The following ARHGAP26 variants were observed in gnomAD, a reference collection of about 807,000 sequenced individuals.
ARHGAP26 encodes rho GTPase-activating protein 26.
In ARHGAP26, 38 loss-of-function variants were observed where a neutral mutation model predicts 104.8. The observed-to-expected ratio is 0.36, with a 90% CI of 0.28 to 0.48. The LOEUF (loss-of-function observed/expected upper bound fraction) is 0.48. ARHGAP26 is among the 20% of genes least tolerant of loss of function. The pLI is 0.99. For synonymous variants in ARHGAP26, 341 were observed against 340.0 expected, an observed-to-expected ratio of 1.00 and a Z score of -0.03; for missense variants, 704 against 947.9, an observed-to-expected ratio of 0.74 and a Z score of 3.38.
intron 17 of ARHGAP26, chr5:143,103,188 G>C: frequency 1.0e-6 from 1 of 977,026 alleles, no homozygotes; most frequent in African/African-American, 1.8e-5. Flanking sequence ...CTTTGCTGCA[G>C]ACTAATTGTG....
At chr5:142,923,697 C>G (rs1763498940) in intron 10 of ARHGAP26, among the ~76,000 whole-genome samples, 1 of 152,138 alleles carries the variant, frequency 6.6e-6, no homozygotes, top group East Asian at 1.9e-4. Flanking sequence ...ACTTCAGTCT[C>G]TCATAAAAAT....
At chr5:143,025,547 T>A (rs1367306840) in intron 12 of ARHGAP26, among the ~76,000 whole-genome samples, 1 of 152,240 alleles carries the variant, frequency 6.6e-6, no homozygotes, top group Non-Finnish European at 1.5e-5. Flanking sequence ...TTGAGGCCAC[T>A]GTGTAATTCA....
At chr5:143,027,766 G>C (rs537871920) in intron 12 of ARHGAP26, among the ~76,000 whole-genome samples, 56 of 152,226 alleles carry the variant, frequency 3.7e-4, no homozygotes, top group Non-Finnish European at 7.3e-4. Flanking sequence ...ATGTGGTATA[G>C]ATACTGGCAA....
intron 11 of ARHGAP26, among the ~76,000 whole-genome samples, chr5:142,966,598 G>T (rs78071775): frequency 0.038 from 5,849 of 152,244 alleles, 122 homozygotes; most frequent in South Asian, 0.057. Context: ...GAAAGACTTT[G>T]TTGTTTATTT....
Position 143,162,313 on chromosome 5 carries a change from G to A in ARHGAP26, c.1988+14932G>A, listed in dbSNP as rs550320335. ...CACACACACACACACACACACACAC[G>A]CAATCCCCTTTCCCATTTTTCCCTT... is the stretch of plus-strand genomic sequence containing the variant. On this transcript the variant is annotated intron_variant, in intron 20 of 22. Transcript: ENST00000645722. Among the ~76,000 whole-genome samples, 61 of 90,904 alleles carry A rather than the reference G, an allele frequency of 6.7e-4. No homozygotes were observed. The South Asian group carries it at 0.014, about 21-fold the overall frequency. 59.6% of individuals were successfully genotyped at this position (90,904 alleles called of 152,430 possible). A position where few individuals can be genotyped will look rare whatever the true frequency, so the allele number is the denominator to read the frequency against.
intron 17 of ARHGAP26, among the ~76,000 whole-genome samples, chr5:143,074,282 G>A (rs577132047): frequency 6.6e-6 from 1 of 151,988 alleles, no homozygotes; most frequent in African/African-American, 2.4e-5. Flanking sequence ...CATTGTTTTT[G>A]TCCTACTTAC....
chr5:143,202,047 A>G (rs950894871), intron 20 of ARHGAP26, among the ~76,000 whole-genome samples: 3 of 152,172 alleles, frequency 2.0e-5, no homozygotes, highest in African/African-American at 7.2e-5. Flanking sequence ...GTGTGGTAGT[A>G]TAAGTCTCTT....
At chr5:143,035,096 G>A (rs1782418413) in intron 12 of ARHGAP26, among the ~76,000 whole-genome samples, 1 of 152,190 alleles carries the variant, frequency 6.6e-6, no homozygotes, top group Non-Finnish European at 1.5e-5. Context: ...CCTAGAGGCT[G>A]AGTGTGTTTG....
chr5:142,874,133 T>C (rs754575918), intron 2 of ARHGAP26, among the ~76,000 whole-genome samples: 4 of 152,132 alleles, frequency 2.6e-5, no homozygotes, highest in Admixed American at 6.5e-5. Flanking sequence ...CACTCCTGTT[T>C]CCTTAAAAAG....
At chr5:143,129,588 C>T (rs1335283796) in intron 18 of ARHGAP26, among the ~76,000 whole-genome samples, 1 of 152,216 alleles carries the variant, frequency 6.6e-6, no homozygotes, top group African/African-American at 2.4e-5. Context: ...TCCAGCTGCA[C>T]TCCTTATCTA....
At chr5:142,985,663 C>A (rs574209064) in intron 11 of ARHGAP26, among the ~76,000 whole-genome samples, 3 of 141,410 alleles carry the variant, frequency 2.1e-5, no homozygotes, top group South Asian at 2.5e-4. Flanking sequence ...CCCTCCCCCC[C>A]ACCCTACAAC....
intron 1 of ARHGAP26, among the ~76,000 whole-genome samples, chr5:142,828,005 T>C (rs1767631831): frequency 6.6e-6 from 1 of 152,228 alleles, no homozygotes; most frequent in African/African-American, 2.4e-5. Flanking sequence ...CTTCCAAGTA[T>C]TGAAGTAGGA....
intron 19 of ARHGAP26, among the ~76,000 whole-genome samples, chr5:143,136,317 T>C (rs575313885): frequency 6.6e-6 from 1 of 152,336 alleles, no homozygotes; most frequent in Admixed American, 6.5e-5. Flanking sequence ...CAAGCTGCTC[T>C]GTCCATGTCT....
rs188322806 is a variant in ARHGAP26 at position 143,116,186 on chromosome 5, T to C, written c.1539-4802T>C. 5.9e-5 allele frequency among the ~76,000 whole-genome samples: 9 copies of C among 152,348 alleles called. No homozygotes were observed. In the East Asian group the frequency reaches 1.7e-3, roughly 29 times the overall value. ...TTTGAGCGCTACTATTATAGAGTTATTATATAGGTCAGATAAATGTAAAAA... is the reference window on the plus strand; with the variant it reads ...TTTGAGCGCTACTATTATAGAGTTACTATATAGGTCAGATAAATGTAAAAA... On this transcript the variant is annotated intron_variant, in intron 17 of 22. Transcript: ENST00000645722.
intron 17 of ARHGAP26, among the ~76,000 whole-genome samples, chr5:143,092,411 A>G (rs1160927728): frequency 1.3e-5 from 2 of 151,718 alleles, no homozygotes; most frequent in Non-Finnish European, 2.9e-5. Context: ...TGATCCGCCC[A>G]CCTCGGCCTC....
intron 20 of ARHGAP26, among the ~76,000 whole-genome samples, chr5:143,182,368 C>T (rs1329167934): frequency 6.6e-6 from 1 of 152,134 alleles, no homozygotes; most frequent in African/African-American, 2.4e-5. Flanking sequence ...CCATAGGTTT[C>T]CCTCTGAAAT....
chr5:142,797,286 G>A (rs116478745), intron 1 of ARHGAP26, among the ~76,000 whole-genome samples: 31 of 152,328 alleles, frequency 2.0e-4, no homozygotes, highest in African/African-American at 7.0e-4. Flanking sequence ...CTGATTTTCA[G>A]CATCATAGGA....
At chr5:143,140,545 A>G (rs1362235127) in intron 19 of ARHGAP26, among the ~76,000 whole-genome samples, 1 of 152,232 alleles carries the variant, frequency 6.6e-6, no homozygotes, top group Non-Finnish European at 1.5e-5. Flanking sequence ...GTTAGCTACA[A>G]TTATGATGAT....
At chr5:142,903,964 A>G (rs1382333341) in intron 8 of ARHGAP26, among the ~76,000 whole-genome samples, 1 of 151,926 alleles carries the variant, frequency 6.6e-6, no homozygotes, top group Admixed American at 6.6e-5. Context: ...GTCCAGCTTT[A>G]TGTACCATAC....
Sources: gnomAD v4.1 joint callset for allele counts (sites outside exome capture counted in the v4.1 genomes callset) on GRCh38, gnomAD v4.1.1 for gene constraint, MANE v1.5 for transcripts, NCBI Gene and HGNC (gene_info 2026-07-23, HGNC 2026-07-21) for gene names.